The following EXOC4 variants were observed in gnomAD, a reference collection of about 807,000 sequenced individuals.
The protein encoded by EXOC4 is exocyst complex component 4.
EXOC4 carries 71 observed loss-of-function variants against 107.2 expected under a neutral mutation model. The ratio of observed to expected loss-of-function variants is 0.66; its 90% confidence interval spans 0.55 to 0.81. EXOC4 has a LOEUF of 0.81. EXOC4 is among the 30% of genes least tolerant of loss of function. The probability of loss-of-function intolerance (pLI) is 0.00; values close to 1 mark genes in which losing one functional copy is unlikely to be tolerated. For missense variants in EXOC4, 1,108 were observed against 1,189.6 expected (o/e 0.93, Z 1.01); for synonymous variants, 456 against 441.2 (o/e 1.03, Z -0.42).
intron 13 of EXOC4, among the ~76,000 whole-genome samples, chr7:133,937,558 T>A (rs899361125): frequency 6.6e-6 from 1 of 152,244 alleles, no homozygotes; most frequent in African/African-American, 2.4e-5. Context: ...TCAACTTCTA[T>A]AGCATAAGAA....
chr7:133,672,935 A>G (rs1229873678), intron 10 of EXOC4, among the ~76,000 whole-genome samples: 4 of 152,230 alleles, frequency 2.6e-5, no homozygotes, highest in African/African-American at 9.6e-5. Context: ...TTACTCGATT[A>G]GCCTTTAAAA....
At chr7:134,034,649 T>C (rs904525857) in intron 17 of EXOC4, among the ~76,000 whole-genome samples, 2 of 152,176 alleles carry the variant, frequency 1.3e-5, no homozygotes, top group African/African-American at 4.8e-5. Flanking sequence ...TGATTGTAAG[T>C]TTCCTGAGGC....
chr7:133,258,582 C>T (rs568787296), intron 1 of EXOC4, among the ~76,000 whole-genome samples: 93 of 152,290 alleles, frequency 6.1e-4, no homozygotes, highest in African/African-American at 2.0e-3. Context: ...GTTTGGCACA[C>T]GGTAGGCACT....
intron 7 of EXOC4, among the ~76,000 whole-genome samples, chr7:133,390,255 A>G (rs1025568821): frequency 6.6e-5 from 10 of 152,210 alleles, no homozygotes; most frequent in Admixed American, 6.5e-4. Flanking sequence ...CGTCAGCTTA[A>G]TCGGCTTTCT....
At chr7:134,092,603 C>T in the EXOC4 span, among the ~76,000 whole-genome samples, 1 of 152,096 alleles carries the variant, frequency 6.6e-6, no homozygotes, top group Non-Finnish European at 1.5e-5. Context: ...TCATATCCCA[C>T]CAAAGTAAGC....
intron 7 of EXOC4, among the ~76,000 whole-genome samples, chr7:133,475,084 C>T (rs908849223): frequency 3.9e-5 from 6 of 152,076 alleles, no homozygotes; most frequent in African/African-American, 7.2e-5. Context: ...CCAATAAAAA[C>T]GTTCCTTTTA....
intron 17 of EXOC4, among the ~76,000 whole-genome samples, chr7:134,008,467 C>G (rs1033020238): frequency 6.6e-6 from 1 of 152,030 alleles, no homozygotes; most frequent in African/African-American, 2.4e-5. Context: ...AATTTTTGAA[C>G]ATTTGAATTT....
chr7:133,271,548 G>T (rs78351931), intron 1 of EXOC4, among the ~76,000 whole-genome samples: 3,419 of 152,338 alleles, frequency 0.022, 53 homozygotes, highest in Non-Finnish European at 0.037. Context: ...GGAAGATAGA[G>T]ATGGTCTCTC....
At chr7:133,403,300 A>G (rs1318328684) in intron 7 of EXOC4, among the ~76,000 whole-genome samples, 2 of 152,206 alleles carry the variant, frequency 1.3e-5, no homozygotes, top group African/African-American at 4.8e-5. Flanking sequence ...CATCTTTCAG[A>G]TGATGGAAGC....
chr7:133,405,282 T>A (rs1030963128), intron 7 of EXOC4, among the ~76,000 whole-genome samples: 3 of 152,052 alleles, frequency 2.0e-5, no homozygotes, highest in Non-Finnish European at 2.9e-5. Flanking sequence ...TAGGCAATGA[T>A]TCATATTAAA....
At chr7:133,381,789 GT>G (rs1480193719) in intron 7 of EXOC4, among the ~76,000 whole-genome samples, 1 of 152,056 alleles carries the variant, frequency 6.6e-6, no homozygotes, top group Non-Finnish European at 1.5e-5. Flanking sequence ...ACTACATTCT[GT>G]TTTTCAGCTC....
intron 10 of EXOC4, among the ~76,000 whole-genome samples, chr7:133,671,913 C>T (rs955464294): frequency 6.6e-6 from 1 of 152,158 alleles, no homozygotes; most frequent in African/African-American, 2.4e-5. Context: ...CTAAATTTGA[C>T]ATCTCTATTA....
At chr7:133,990,433 C>T (rs1280725493) in intron 14 of EXOC4, among the ~76,000 whole-genome samples, 2 of 152,018 alleles carry the variant, frequency 1.3e-5, no homozygotes, top group Non-Finnish European at 2.9e-5. Flanking sequence ...CCATGTTGCT[C>T]GAATGACAGG....
At chr7:134,000,766 G>A (rs1176985450) in intron 15 of EXOC4, among the ~76,000 whole-genome samples, 4 of 152,120 alleles carry the variant, frequency 2.6e-5, no homozygotes, top group Non-Finnish European at 2.9e-5. Flanking sequence ...AAAGTGGCTG[G>A]TTAGCTCCTG....
intron 17 of EXOC4, among the ~76,000 whole-genome samples, chr7:134,039,745 C>CATACAGCAGGTCCCCATTTCTAA (rs1795471765): frequency 6.6e-6 from 1 of 152,206 alleles, no homozygotes; most frequent in Non-Finnish European, 1.5e-5. Flanking sequence ...CATCTTCTCT[C>CATACAGCAGGTCCCCATTTCTAA]ATACAGCAGG....
rs1797623992 is a variant in EXOC4 at position 133,823,891 on chromosome 7, T to TAA, written c.1734+6348_1734+6349insAA. 2.0e-3 allele frequency among the ~76,000 whole-genome samples: 44 copies of TAA among 22,128 alleles called. 2 individuals are homozygous for TAA. In the African/African-American group the frequency reaches 0.024, roughly 12 times the overall value. 14.5% of individuals were successfully genotyped at this position (22,128 alleles called of 152,430 possible). ...TATATATTATATATATATATATATA[T>TAA]ATTTTATATATATATATATAAATAT... On this transcript the variant is annotated intron_variant, in intron 11 of 17. Transcript: ENST00000253861.
intron 7 of EXOC4, among the ~76,000 whole-genome samples, chr7:133,400,360 T>C (rs1410723874): frequency 6.6e-6 from 1 of 152,150 alleles, no homozygotes; most frequent in Non-Finnish European, 1.5e-5. Flanking sequence ...ATACATCTCT[T>C]TGTTAGATTT....
At chr7:133,605,236 C>T (rs1801911819) in intron 9 of EXOC4, among the ~76,000 whole-genome samples, 1 of 152,168 alleles carries the variant, frequency 6.6e-6, no homozygotes. Context: ...GCTTGAGATA[C>T]AAGAGCAAAC....
At position 133,439,937 on chromosome 7, in the gene EXOC4, C is replaced by T. The variant is rs573700774; in HGVS notation, c.1183-35391C>T. 5.9e-5 allele frequency among the ~76,000 whole-genome samples: 9 copies of T among 152,258 alleles called. 1 individual carries two copies. In the South Asian group the frequency reaches 1.9e-3, roughly 32 times the overall value. On this transcript the variant is annotated intron_variant, in intron 7 of 17. Transcript: ENST00000253861. ...ATCTATCACTCAGCTCTGACATCTC[C>T]AAGAAACCAAACTCAGATGAGCACA...
Sources: gnomAD v4.1 joint callset for allele counts (sites outside exome capture counted in the v4.1 genomes callset) on GRCh38, gnomAD v4.1.1 for gene constraint, MANE v1.5 for transcripts, NCBI Gene and HGNC (gene_info 2026-07-23, HGNC 2026-07-21) for gene names.